KCTD2: variants seen among roughly 807,000 people sequenced by gnomAD.
The protein encoded by KCTD2 is BTB/POZ domain-containing protein KCTD2.
A neutral mutation model predicts 27.9 loss-of-function variants in KCTD2; 18 were observed. That is an observed-to-expected ratio of 0.64 (90% CI 0.45 to 0.96). The LOEUF is 0.96. Among genes scored for constraint, KCTD2 ranks in the 40% least tolerant of loss-of-function variants. KCTD2 has a pLI of 0.00. For missense variants in KCTD2, 280 were observed against 348.0 expected (o/e 0.80, Z 1.56); for synonymous variants, 175 against 148.4 (o/e 1.18, Z -1.30).
intron 3 of KCTD2, among the ~76,000 whole-genome samples, chr17:75,058,776 C>T (rs963384908): frequency 1.3e-5 from 2 of 150,922 alleles, no homozygotes; most frequent in Admixed American, 6.6e-5. Context: ...CCAGCCTGGG[C>T]GACAGAGTGA....
At chr17:75,038,837 C>A (rs1358068504) in intron 3 of KCTD2, 1 of 1,400,360 alleles carries the variant, frequency 7.1e-7, no homozygotes, top group East Asian at 2.3e-5. Context: ...ATTATCTCAA[C>A]CACAGAGAAG....
chr17:75,050,013 G>A (rs2073268095), intron 2 of KCTD2, among the ~76,000 whole-genome samples: 1 of 152,198 alleles, frequency 6.6e-6, no homozygotes, highest in Non-Finnish European at 1.5e-5. Flanking sequence ...TGTAATGGCT[G>A]TACTAGTTAA....
At chr17:75,039,031 A>C in intron 3 of KCTD2, 1 of 1,614,128 alleles carries the variant, frequency 6.2e-7, no homozygotes. Flanking sequence ...TGGTCATCTG[A>C]TCAAATGGAA....
chr17:75,034,506 G>A (rs914736332), intron 2 of KCTD2, among the ~76,000 whole-genome samples: 2 of 152,178 alleles, frequency 1.3e-5, no homozygotes, highest in Non-Finnish European at 2.9e-5. Context: ...ACTGGGGCGC[G>A]GTAAGACGCT....
At position 75,063,236 on chromosome 17, in the gene KCTD2, G is replaced by A. The variant is rs1221348931; in HGVS notation, c.*189G>A. The A allele has an allele frequency of 8.0e-6, 5 of 625,190 alleles. No homozygotes were observed. Among genetic ancestry groups the A allele is most frequent in the East Asian group, 2.7e-5 (1 of 36,392 alleles). 38.7% of individuals were successfully genotyped at this position (625,190 alleles called of 1,614,324 possible). A position where few individuals can be genotyped will look rare whatever the true frequency, so the allele number is the denominator to read the frequency against. On this transcript the variant is annotated 3_prime_UTR_variant, in exon 6 of 6. Coordinates refer to ENST00000322444, the MANE Select transcript of KCTD2 (RefSeq NM_015353.3). ...ACCTGCAGGACTCCGAAGACAGTGC[G>A]ACTTCTGGCTGCAGAATACCTTTTC...
At chr17:75,062,414 CG>C (rs2144943901) in intron 5 of KCTD2, among the ~76,000 whole-genome samples, 169 bp downstream of exon 5, 1 of 152,160 alleles carries the variant, frequency 6.6e-6, no homozygotes, top group Non-Finnish European at 1.5e-5. Flanking sequence ...TTGGGATTTA[CG>C]GAGCACTGAC....
At position 75,056,952 on chromosome 17, in the gene KCTD2, C is replaced by CTTTTTTTTTTTTTT. The variant is rs35875644; in HGVS notation, c.541-2552_541-2539dup. On this transcript the variant is annotated intron_variant, in intron 3 of 5. Coordinates refer to ENST00000322444, the MANE Select transcript of KCTD2 (RefSeq NM_015353.3). Reference sequence around the variant, plus strand: ...CTCTGTTTCTTTTTTTTTCTTTTTTCTTTTTTTTTTTTTTTTTTTGGAGAC... The same window carrying CTTTTTTTTTTTTTT: ...CTCTGTTTCTTTTTTTTTCTTTTTTCTTTTTTTTTTTTTTTTTTTTTTTTTTTTTTTTTGGAGAC... Among the ~76,000 whole-genome samples, 99 of 108,024 alleles carry CTTTTTTTTTTTTTT rather than the reference C, an allele frequency of 9.2e-4. 1 individual carries two copies. Among genetic ancestry groups the CTTTTTTTTTTTTTT allele is most frequent in the African/African-American group, 3.5e-3 (97 of 27,662 alleles). 70.9% of individuals were successfully genotyped at this position (108,024 alleles called of 152,430 possible).
intron 4 of KCTD2, chr17:75,060,700 G>T (rs977599034): frequency 7.0e-5 from 84 of 1,199,212 alleles, no homozygotes; most frequent in Non-Finnish European, 9.0e-5. Flanking sequence ...CAGGGTCTCG[G>T]TCGCCGCCAC....
chr17:75,045,122 G>A (rs1334093264), upstream of KCTD2, among the ~76,000 whole-genome samples: 4 of 152,160 alleles, frequency 2.6e-5, no homozygotes, highest in Admixed American at 1.3e-4. Flanking sequence ...GACATCACAC[G>A]TTGGTAGGAT....
At chr17:75,052,010 A>G (rs893568847) in intron 2 of KCTD2, among the ~76,000 whole-genome samples, 1 of 151,864 alleles carries the variant, frequency 6.6e-6, no homozygotes, top group Non-Finnish European at 1.5e-5. Flanking sequence ...TTGTACACAC[A>G]CCTCCACCCC....
At chr17:75,061,866 G>A (rs138589205) in intron 4 of KCTD2, among the ~76,000 whole-genome samples, 11 of 152,076 alleles carry the variant, frequency 7.2e-5, no homozygotes, top group African/African-American at 9.7e-5. Context: ...CCGCTGACGG[G>A]GGGGGACTTC....
chr17:75,057,947 C>T (rs1047522911), intron 3 of KCTD2, among the ~76,000 whole-genome samples: 1 of 151,994 alleles, frequency 6.6e-6, no homozygotes, highest in African/African-American at 2.4e-5. Flanking sequence ...GTAATCCCAG[C>T]ACTTTGGGAG....
intron 2 of KCTD2, among the ~76,000 whole-genome samples, chr17:75,049,907 T>C (rs1050692093): frequency 6.6e-6 from 1 of 152,208 alleles, no homozygotes; most frequent in Non-Finnish European, 1.5e-5. Context: ...CTACAAGGCT[T>C]GGCATGGTCC....
intron 3 of KCTD2, chr17:75,040,352 A>G: frequency 1.6e-6 from 1 of 639,540 alleles, no homozygotes; most frequent in Non-Finnish European, 2.8e-6. Context: ...AAAGAATATT[A>G]GACTGGGAAC....
In KCTD2 at chr17:75,049,547, A is replaced by G. The variant is rs184259190; in HGVS notation, c.448+219A>G. 2.4e-3 allele frequency among the ~76,000 whole-genome samples: 363 copies of G among 152,352 alleles called. 1 individual carries two copies. The highest frequency in any genetic ancestry group is 8.5e-3 in the African/African-American group (352 of 41,580). On this transcript the variant is annotated intron_variant, in intron 2 of 5. Coordinates refer to ENST00000322444, the MANE Select transcript of KCTD2 (RefSeq NM_015353.3). ...CAGCTTCCTGGGTGAGAAGGAAGAT[A>G]GGTAGCTCCGCTTTGCAGATAACTT...
chr17:75,041,684 A>G (rs2073162445), intron 3 of KCTD2: 1 of 152,654 alleles, frequency 6.6e-6, no homozygotes, highest in Non-Finnish European at 1.5e-5. Flanking sequence ...AAAGGGAGAC[A>G]GGAAGGAAGC....
chr17:75,057,620 C>T (rs1010505698), intron 3 of KCTD2, among the ~76,000 whole-genome samples: 21 of 147,088 alleles, frequency 1.4e-4, no homozygotes, highest in South Asian at 4.3e-4. Flanking sequence ...AGTGCAATGG[C>T]GCGATCTCAG....
At chr17:75,033,483 T>C (rs1001290659) in intron 1 of KCTD2, among the ~76,000 whole-genome samples, 2 of 152,094 alleles carry the variant, frequency 1.3e-5, no homozygotes, top group Admixed American at 6.6e-5. Flanking sequence ...AGATTTTCAG[T>C]GTTTATGTTT....
At position 75,035,318 on chromosome 17, in the gene KCTD2, C is replaced by G. The variant is rs1370647300; in HGVS notation, c.-298C>G. On this transcript the variant is annotated 5_prime_UTR_variant, in exon 3 of 8. Coordinates refer to the KCTD2 transcript ENST00000581589. Reference sequence around the variant, plus strand: ...GCTTCTGTCCAATCAGGCTTTGCATCCCGGGACGCTTCCGGTTATGGCGTC... The same window carrying G: ...GCTTCTGTCCAATCAGGCTTTGCATGCCGGGACGCTTCCGGTTATGGCGTC... 2.6e-5 allele frequency: 4 copies of G among 152,288 alleles called. No individual in the cohort carries two copies. In the East Asian group the frequency reaches 7.8e-4, roughly 30 times the overall value. The allele number at this position is 152,288 out of a possible 1,614,324, so 9.4% of individuals were successfully genotyped here.
Sources: allele counts gnomAD v4.1 joint callset (sites outside exome capture counted in the v4.1 genomes callset), GRCh38; gene constraint gnomAD v4.1.1; transcripts MANE v1.5; gene names NCBI Gene and HGNC (gene_info 2026-07-23, HGNC 2026-07-21).